The following BRIP1 variants were observed in gnomAD, a reference collection of about 807,000 sequenced individuals.
BRIP1 encodes the protein Fanconi anemia group J protein.
A neutral mutation model predicts 119.7 loss-of-function variants in BRIP1; 88 were observed. The ratio of observed to expected loss-of-function variants is 0.74; its 90% confidence interval spans 0.62 to 0.88. BRIP1 has a LOEUF of 0.88. Among genes scored for constraint, BRIP1 ranks in the 40% least tolerant of loss-of-function variants. The pLI is 0.00. For synonymous variants in BRIP1, 443 were observed against 496.5 expected (o/e 0.89, Z 1.43); for missense variants, 1,259 against 1,455.4 (o/e 0.87, Z 2.20).
In BRIP1 at chr17:61,828,449, T is replaced by C. The variant is rs2078441878; in HGVS notation, c.627+18652A>G. On this transcript the variant is annotated intron_variant, in intron 6 of 19. Coordinates refer to ENST00000259008, the MANE Select transcript of BRIP1 (RefSeq NM_032043.3). The surrounding 1 kb of genome is among the most constrained non-coding windows in gnomAD (Gnocchi z 4.1). The stretch of plus-strand genomic sequence containing the variant: ...TGTTTCATGGGTATGGTGTTTCAGT[T>C]TGGAAAGATGAAAAGGTTCTGGCAC... Among the ~76,000 whole-genome samples the C allele has an allele frequency of 1.3e-5, 2 of 152,044 alleles. No individual in the cohort carries two copies. The highest frequency in any genetic ancestry group is 4.2e-4 in the South Asian group (2 of 4,818).
chr17:61,696,476 T>C (rs1035247309), intron 17 of BRIP1, among the ~76,000 whole-genome samples: 2 of 151,952 alleles, frequency 1.3e-5, no homozygotes, highest in African/African-American at 2.4e-5. Flanking sequence ...ATAGAATGAG[T>C]TGGTAAATAT....
chr17:61,845,186 G>T lies in BRIP1; in HGVS notation c.627+1915C>A, dbSNP rs1256999989. 6.6e-6 allele frequency among the ~76,000 whole-genome samples: 1 copy of T among 152,138 alleles called. No individual in the cohort carries two copies. Among genetic ancestry groups the T allele is most frequent in the Non-Finnish European group, 1.5e-5 (1 of 68,030 alleles). Reference sequence around the variant, plus strand: ...TGATGATTATTGCAATTTAACAGAAGAAGCTTCTACATAATTTCTCCAACT... The same window carrying T: ...TGATGATTATTGCAATTTAACAGAATAAGCTTCTACATAATTTCTCCAACT... On this transcript the variant is annotated intron_variant, in intron 6 of 19. Coordinates refer to ENST00000259008, the MANE Select transcript of BRIP1 (RefSeq NM_032043.3). This position sits in a 1 kb window ranked among gnomAD's most constrained non-coding sequence, Gnocchi z 4.2.
rs1279974169 is a variant in BRIP1, at chr17:61,843,680, G to A, written c.627+3421C>T. Among the ~76,000 whole-genome samples, 1 of 152,072 alleles carries A rather than the reference G, an allele frequency of 6.6e-6. No individual in the cohort carries two copies. The highest frequency in any genetic ancestry group is 1.5e-5 in the Non-Finnish European group (1 of 68,020). On this transcript the variant is annotated intron_variant, in intron 6 of 19. Coordinates refer to ENST00000259008, the MANE Select transcript of BRIP1 (RefSeq NM_032043.3). This position sits in a 1 kb window ranked among gnomAD's most constrained non-coding sequence, Gnocchi z 5.7. Reference sequence around the variant, plus strand: ...TTGCTCTCTCTTTGTCTTCTGGCATGCTTGTAAGCTTCTTGAGGCCCTCAC... The same window carrying A: ...TTGCTCTCTCTTTGTCTTCTGGCATACTTGTAAGCTTCTTGAGGCCCTCAC...
At position 61,684,048 on chromosome 17, in the gene BRIP1, C is replaced by G. The variant is rs2144091817; in HGVS notation, c.2998G>C (p.Val1000Leu). 6.2e-7 allele frequency: 1 copy of G among 1,613,882 alleles called. No homozygotes were observed. The highest frequency in any genetic ancestry group is 1.1e-5 in the South Asian group (1 of 91,038). Residue 1000 changes from valine (V) to leucine (L), a missense_variant, in exon 20 of 20, where the codon GTT becomes CTT. Physicochemically the swap from Val to Leu is conservative, Grantham distance 32. This residue lies in a region of BRIP1 where 753 missense variants were observed against 891.8 expected (regional missense o/e 0.84). Transcript: ENST00000259008. This position sits in a 1 kb window ranked among gnomAD's most constrained non-coding sequence, Gnocchi z 4.5. ...SPTFNKQTKR[V>L]SWSSFNSLGQ... is the part of the protein sequence containing the mutation. ...AAAGAATTAAAGCTTGACCAGCTAA[C>G]TCTCTTTGTTTGTTTGTTGAAAGTT...
chr17:61,790,994 T>G (rs778625510), intron 10 of BRIP1, among the ~76,000 whole-genome samples: 5 of 152,156 alleles, frequency 3.3e-5, no homozygotes, highest in Non-Finnish European at 5.9e-5. Context: ...ATGAAAGATG[T>G]CACAATATGG....
Position 61,679,402 on chromosome 17 carries a change from C to T in BRIP1, c.*3894G>A, listed in dbSNP as rs868437043. On this transcript the variant is annotated 3_prime_UTR_variant, in exon 20 of 20. Coordinates refer to ENST00000259008, the MANE Select transcript of BRIP1 (RefSeq NM_032043.3). The surrounding 1 kb of genome is among the most constrained non-coding windows in gnomAD (Gnocchi z 4.4). The stretch of plus-strand genomic sequence containing the variant: ...TGAAACATCTACTCTTTACATTGTA[C>T]CTTTATTCCAAGAATAAAGCCCTGT... 6.6e-6 allele frequency among the ~76,000 whole-genome samples: 1 copy of T among 152,076 alleles called. No homozygotes were observed. The highest frequency in any genetic ancestry group is 2.1e-4 in the South Asian group (1 of 4,826).
In BRIP1 at chr17:61,739,223, C is replaced by T. The variant is rs2076957109; in HGVS notation, c.2379+3790G>A. 1 of 192,422 alleles carries T rather than the reference C, an allele frequency of 5.2e-6. No homozygotes were observed. The highest frequency in any genetic ancestry group is 8.1e-5 in the East Asian group (1 of 12,372). The allele number at this position is 192,422 out of a possible 1,614,324, so 11.9% of individuals were successfully genotyped here. On this transcript the variant is annotated intron_variant, in intron 16 of 19. Transcript: ENST00000259008. The surrounding 1 kb of genome is among the most constrained non-coding windows in gnomAD (Gnocchi z 6.0). ...AAGGAGACAATACCAGTACCAACAG[C>T]AGTGCCATCAGTAGCACTCTACTTC... is the stretch of plus-strand genomic sequence containing the variant.
intron 18 of BRIP1, among the ~76,000 whole-genome samples, chr17:61,692,127 T>A (rs1346900917): frequency 6.6e-6 from 1 of 152,228 alleles, no homozygotes; most frequent in Non-Finnish European, 1.5e-5. Context: ...GGTGCTATGA[T>A]TGTAGACTTT....
intron 11 of BRIP1, among the ~76,000 whole-genome samples, chr17:61,782,045 A>G (rs2077629543): frequency 6.6e-6 from 1 of 152,116 alleles, no homozygotes; most frequent in African/African-American, 2.4e-5. Context: ...ACAACTGTGG[A>G]GAGAATCTTA....
intron 4 of BRIP1, 137 bp from the exon 5 acceptor site, chr17:61,849,393 G>T: frequency 2.8e-6 from 2 of 715,932 alleles, no homozygotes; most frequent in Non-Finnish European, 2.3e-6. Context: ...ACTTAAACAT[G>T]TTTAAAAAGT....
rs2078126022 is a variant in BRIP1, at chr17:61,809,186, C to G, written c.628-429G>C. On this transcript the variant is annotated intron_variant, in intron 6 of 19. Transcript: ENST00000259008. The surrounding 1 kb of genome is among the most constrained non-coding windows in gnomAD (Gnocchi z 5.2). ...TAGTTCATTCAAATATTCCTTAATA[C>G]ACCAATGCTTTTGAAGCACTTTTAA... 6.6e-6 allele frequency among the ~76,000 whole-genome samples: 1 copy of G among 152,158 alleles called. No individual in the cohort carries two copies. The highest frequency in any genetic ancestry group is 2.4e-5 in the African/African-American group (1 of 41,438).
rs587781417 is a variant in BRIP1 at position 61,684,098 on chromosome 17, A to T, written c.2948T>A (p.Ile983Asn). The T allele has an allele frequency of 9.3e-6, 15 of 1,613,492 alleles. No homozygotes were observed. Among genetic ancestry groups the T allele is most frequent in the Non-Finnish European group, 1.3e-5 (15 of 1,179,812 alleles). ...TGGGCTTGTGGATCTGGAAATCACA[A>T]TTTTTTCTGCTTTCCCTGCTTCTTC... ...FLEEAGKAEK[I>N]VISRSTSPTF... The change falls in exon 20 of 20, where the codon ATT (isoleucine) becomes AAT (asparagine). Residue 983 changes from isoleucine (I) to asparagine (N), a missense_variant. Ile to Asn is a moderately radical substitution (Grantham distance 149). Transcript: ENST00000259008. The surrounding 1 kb of genome is among the most constrained non-coding windows in gnomAD (Gnocchi z 4.5).
At position 61,861,396 on chromosome 17, in the gene BRIP1, G is replaced by T; in HGVS notation, c.93+51C>A. On this transcript the variant is annotated intron_variant, in intron 2 of 19. Transcript: ENST00000259008. This position sits in a 1 kb window ranked among gnomAD's most constrained non-coding sequence, Gnocchi z 4.5. ...GTCAAATACTCAATGTACTTTATGG[G>T]TCATAAGTATCTATATCTTAATAAA... is the stretch of plus-strand genomic sequence containing the variant. The T allele has an allele frequency of 8.5e-7, 1 of 1,179,632 alleles. No homozygotes were observed. Among genetic ancestry groups the T allele is most frequent in the Non-Finnish European group, 1.3e-6 (1 of 787,890 alleles). 73.1% of individuals were successfully genotyped at this position (1,179,632 alleles called of 1,614,324 possible).
Position 61,816,391 on chromosome 17 carries a change from A to G in BRIP1, c.628-7634T>C, listed in dbSNP as rs1315115253. Among the ~76,000 whole-genome samples the G allele has an allele frequency of 6.6e-6, 1 of 152,200 alleles. No individual in the cohort carries two copies. Among genetic ancestry groups the G allele is most frequent in the African/African-American group, 2.4e-5 (1 of 41,456 alleles). ...AATTCTATTGTGAAGGTTGTAAGCA[A>G]TATGTTAAACTGCAGTGGGCTAGCA... is the stretch of plus-strand genomic sequence containing the variant. On this transcript the variant is annotated intron_variant, in intron 6 of 19. Transcript: ENST00000259008. The surrounding 1 kb of genome is among the most constrained non-coding windows in gnomAD (Gnocchi z 5.0).
rs1033150574 is a variant in BRIP1 at position 61,799,805 on chromosome 17, G to C, written c.1141-506C>G. On this transcript the variant is annotated intron_variant, in intron 8 of 19. Transcript: ENST00000259008. This position sits in a 1 kb window ranked among gnomAD's most constrained non-coding sequence, Gnocchi z 5.1. ...AATACTAACATAATATATATGTTTT[G>C]TTTTAATCTGTCCTGCAATCCTTCT... Among the ~76,000 whole-genome samples the C allele has an allele frequency of 6.6e-6, 1 of 152,008 alleles. No individual in the cohort carries two copies.
In BRIP1 at chr17:61,780,203, A is replaced by C. The variant is rs2077592150; in HGVS notation, c.1935+58T>G. On this transcript the variant is annotated intron_variant, in intron 13 of 19. Coordinates refer to ENST00000259008, the MANE Select transcript of BRIP1 (RefSeq NM_032043.3). This position sits in a 1 kb window ranked among gnomAD's most constrained non-coding sequence, Gnocchi z 5.4. ...TTCAGGTATCTTCTAACTTGTTTAC[A>C]TAGTTATATTGAAGTAGAAACACTG... 1 of 1,534,190 alleles carries C rather than the reference A, an allele frequency of 6.5e-7. No homozygotes were observed. The highest frequency in any genetic ancestry group is 2.3e-5 in the East Asian group (1 of 44,286).
intron 4 of BRIP1, among the ~76,000 whole-genome samples, chr17:61,855,542 G>A (rs2078883984): frequency 6.9e-6 from 1 of 144,826 alleles, no homozygotes; most frequent in Non-Finnish European, 1.5e-5. Context: ...TCACACCACT[G>A]CACTCCAGCC....
In BRIP1 at chr17:61,781,008, A is replaced by G. The variant is rs587780828; in HGVS notation, c.1629-3T>C. 121 of 1,613,598 alleles carry G rather than the reference A, an allele frequency of 7.5e-5. No individual in the cohort carries two copies. Among genetic ancestry groups the G allele is most frequent in the Non-Finnish European group, 9.9e-5 (117 of 1,179,990 alleles). On this transcript the variant is annotated splice_polypyrimidine_tract_variant and splice_region_variant and intron_variant, in intron 11 of 19. Transcript: ENST00000259008. The stretch of plus-strand genomic sequence containing the variant: ...CAATTTTATAATCATCTGCAAATCT[A>G]GATGCAAAGAAAGTGCTAATTAAGT...
rs2078692280 is a variant in BRIP1, at chr17:61,843,902, TATA to T, written c.627+3196_627+3198del. On this transcript the variant is annotated intron_variant, in intron 6 of 19. Coordinates refer to ENST00000259008, the MANE Select transcript of BRIP1 (RefSeq NM_032043.3). This position sits in a 1 kb window ranked among gnomAD's most constrained non-coding sequence, Gnocchi z 5.7. ...CATCATGTTTTACACCTAAAATATA[TATA>T]ATTTTTATTTTATGTATTTATTTTT... is the stretch of plus-strand genomic sequence containing the variant. Among the ~76,000 whole-genome samples, 1 of 151,882 alleles carries T rather than the reference TATA, an allele frequency of 6.6e-6. No individual in the cohort carries two copies. Among genetic ancestry groups the T allele is most frequent in the Admixed American group, 6.6e-5 (1 of 15,242 alleles).
Sources: allele counts gnomAD v4.1 joint callset (sites outside exome capture counted in the v4.1 genomes callset), GRCh38; gene constraint gnomAD v4.1.1; regional missense constraint gnomAD v4.1.1; non-coding constraint Gnocchi (gnomAD v3.1); transcripts MANE v1.5; gene names NCBI Gene and HGNC (gene_info 2026-07-23, HGNC 2026-07-21).